The following NCAM2 variants were observed in gnomAD, a reference collection of about 807,000 sequenced individuals.
NCAM2 encodes neural cell adhesion molecule 2.
A neutral mutation model predicts 98.1 loss-of-function variants in NCAM2; 30 were observed. That is an observed-to-expected ratio of 0.31 (90% CI 0.23 to 0.41). NCAM2 has a LOEUF of 0.41. NCAM2 is among the 10% of genes least tolerant of loss of function. The probability of loss-of-function intolerance (pLI) is 1.00; values close to 1 mark genes in which losing one functional copy is unlikely to be tolerated. For missense variants in NCAM2, 867 were observed against 1,005.8 expected (o/e 0.86, Z 1.87); for synonymous variants, 368 against 342.4 (o/e 1.07, Z -0.83).
rs370528211 is a variant in NCAM2 at position 21,020,897 on chromosome 21, T to C, written c.55+22279T>C. Among the ~76,000 whole-genome samples, 27 of 152,258 alleles carry C rather than the reference T, an allele frequency of 1.8e-4. No individual in the cohort carries two copies. The East Asian group carries it at 5.0e-3, about 28-fold the overall frequency. On this transcript the variant is annotated intron_variant, in intron 1 of 17. Transcript: ENST00000400546. ...TATCTTTATACCCTCTGGAAGGCAG[T>C]CATTCTAGAGTACCGTCCATGCTTG... is the stretch of plus-strand genomic sequence containing the variant.
intron 1 of NCAM2, among the ~76,000 whole-genome samples, chr21:21,062,458 G>C (rs977597297): frequency 6.6e-6 from 1 of 152,168 alleles, no homozygotes; most frequent in African/African-American, 2.4e-5. Flanking sequence ...ATCCCAGTGA[G>C]TTACACATTC....
At chr21:21,336,242 C>CT (rs1160415441) in intron 7 of NCAM2, among the ~76,000 whole-genome samples, 4 of 152,036 alleles carry the variant, frequency 2.6e-5, no homozygotes, top group Non-Finnish European at 5.9e-5. Context: ...GTGGGTGCTT[C>CT]TAATAGAATT....
intron 1 of NCAM2, among the ~76,000 whole-genome samples, chr21:21,098,845 T>A (rs1423223089): frequency 6.6e-6 from 1 of 151,728 alleles, no homozygotes. Flanking sequence ...TTGTTCAGAG[T>A]CAAGGTGTCA....
At chr21:21,147,207 C>G in intron 1 of NCAM2, 1 of 985,446 alleles carries the variant, frequency 1.0e-6, no homozygotes, top group Non-Finnish European at 1.2e-6. Flanking sequence ...ACATGGAACT[C>G]TGCCTCCGCA....
At chr21:21,213,251 G>T (rs1001213521) in intron 1 of NCAM2, among the ~76,000 whole-genome samples, 5 of 152,018 alleles carry the variant, frequency 3.3e-5, no homozygotes, top group African/African-American at 1.2e-4. Flanking sequence ...TTTTCTAATG[G>T]TAATGACATG....
At chr21:21,314,384 C>T (rs1450040575) in intron 5 of NCAM2, among the ~76,000 whole-genome samples, 2 of 151,610 alleles carry the variant, frequency 1.3e-5, no homozygotes, top group African/African-American at 2.4e-5. Context: ...TCATTCTTCT[C>T]CTATAACTAT....
chr21:21,141,919 C>T (rs2067175560), intron 1 of NCAM2, among the ~76,000 whole-genome samples: 1 of 152,114 alleles, frequency 6.6e-6, no homozygotes, highest in Admixed American at 6.6e-5. Context: ...TCTTTGCTTC[C>T]AGACATTTTA....
chr21:21,416,981 A>G (rs1490734066), intron 10 of NCAM2, among the ~76,000 whole-genome samples: 2 of 152,074 alleles, frequency 1.3e-5, no homozygotes, highest in African/African-American at 4.8e-5. Context: ...TTGCTTATTT[A>G]AGATGAACTT....
chr21:21,424,162 G>A (rs1007216925), intron 11 of NCAM2, among the ~76,000 whole-genome samples: 2 of 152,088 alleles, frequency 1.3e-5, no homozygotes, highest in Non-Finnish European at 2.9e-5. Flanking sequence ...GTGATATTCA[G>A]AAACTATTCA....
At chr21:21,169,600 A>G (rs1197912196) in intron 1 of NCAM2, among the ~76,000 whole-genome samples, 3 of 152,160 alleles carry the variant, frequency 2.0e-5, no homozygotes, top group African/African-American at 7.2e-5. Flanking sequence ...ACAATAAGAA[A>G]ATCAATAACT....
At chr21:21,359,163 TTGAA>T (rs1295423041) in intron 8 of NCAM2, among the ~76,000 whole-genome samples, 1 of 152,002 alleles carries the variant, frequency 6.6e-6, no homozygotes, top group Non-Finnish European at 1.5e-5. Flanking sequence ...GATTTTTTAT[TTGAA>T]TGACATTTTA....
intron 1 of NCAM2, among the ~76,000 whole-genome samples, chr21:21,053,262 A>G (rs1219516078): frequency 6.6e-6 from 1 of 152,086 alleles, no homozygotes; most frequent in Non-Finnish European, 1.5e-5. Context: ...TTGTGGCGAC[A>G]TCAGAATATG....
chr21:21,276,834 T>G (rs1341899527), intron 1 of NCAM2, among the ~76,000 whole-genome samples: 1 of 152,050 alleles, frequency 6.6e-6, no homozygotes, highest in Non-Finnish European at 1.5e-5. Context: ...ATTGTGCCCA[T>G]TCACCAAAAT....
intron 1 of NCAM2, among the ~76,000 whole-genome samples, chr21:21,148,738 A>T (rs1160178815): frequency 6.6e-6 from 1 of 152,184 alleles, no homozygotes; most frequent in African/African-American, 2.4e-5. Flanking sequence ...ATTTCCCAGT[A>T]TATTCAGTTG....
intron 9 of NCAM2, among the ~76,000 whole-genome samples, chr21:21,389,971 T>A (rs1172673007): frequency 6.6e-6 from 1 of 152,124 alleles, no homozygotes; most frequent in African/African-American, 2.4e-5. Flanking sequence ...TGCCTCAGCC[T>A]CCCGAGTAGC....
Position 21,469,601 on chromosome 21 carries a change from G to A in NCAM2, c.1896+818G>A, listed in dbSNP as rs555342986. On this transcript the variant is annotated intron_variant, in intron 14 of 17. Transcript: ENST00000400546. ...TGCTATCCAAATTAATTATATTTTAGCAGATCATGTTTAAAATAATTACTC... is the reference window on the plus strand; with the variant it reads ...TGCTATCCAAATTAATTATATTTTAACAGATCATGTTTAAAATAATTACTC... 1.2e-3 allele frequency among the ~76,000 whole-genome samples: 187 copies of A among 151,808 alleles called. 2 individuals carry two copies. The highest frequency in any genetic ancestry group is 0.012 in the South Asian group (58 of 4,818).
chr21:21,094,902 G>T (rs2066089348), intron 1 of NCAM2, among the ~76,000 whole-genome samples: 1 of 151,530 alleles, frequency 6.6e-6, no homozygotes, highest in Admixed American at 6.6e-5. Context: ...GAAGAATATT[G>T]GTATATATTA....
In NCAM2 at chr21:21,317,813, G is replaced by A. The variant is rs561048727; in HGVS notation, c.620-6570G>A. Among the ~76,000 whole-genome samples the A allele has an allele frequency of 9.5e-4, 144 of 152,212 alleles. 1 individual carries two copies. The highest frequency in any genetic ancestry group is 2.9e-3 in the Admixed American group (45 of 15,276). Reference sequence around the variant, plus strand: ...GCCTCCCAGATCGCTGGGATTACAGGTGCGAGCCACCAGGCCTTGACTTCT... The same window carrying A: ...GCCTCCCAGATCGCTGGGATTACAGATGCGAGCCACCAGGCCTTGACTTCT... On this transcript the variant is annotated intron_variant, in intron 5 of 17. Transcript: ENST00000400546.
chr21:21,219,400 C>T (rs1393465863), intron 1 of NCAM2, among the ~76,000 whole-genome samples: 1 of 152,130 alleles, frequency 6.6e-6, no homozygotes, highest in Non-Finnish European at 1.5e-5. Flanking sequence ...AGTCACATGA[C>T]AGTGTTTTAG....
Sources: allele counts gnomAD v4.1 joint callset (sites outside exome capture counted in the v4.1 genomes callset), GRCh38; gene constraint gnomAD v4.1.1; transcripts MANE v1.5; gene names NCBI Gene and HGNC (gene_info 2026-07-23, HGNC 2026-07-21).